Variants in DTD1 observed in about 807,000 individuals in gnomAD.
DTD1 encodes the protein D-tyrosyl-tRNA deacylase 1 homolog.
A neutral mutation model predicts 25.6 loss-of-function variants in DTD1; 13 were observed. The ratio of observed to expected loss-of-function variants is 0.51; its 90% confidence interval spans 0.33 to 0.81. The LOEUF (loss-of-function observed/expected upper bound fraction) is 0.81. DTD1 is among the 30% of genes least tolerant of loss of function. The pLI is 0.02. For missense variants in DTD1, 193 were observed against 266.4 expected (o/e 0.72, Z 1.92); for synonymous variants, 110 against 103.6 (o/e 1.06, Z -0.37).
At chr20:18,649,326 CTTTTTTTTTTTTTT>C (rs55766733) in intron 4 of DTD1, among the ~76,000 whole-genome samples, 33 of 57,652 alleles carry the variant, frequency 5.7e-4, no homozygotes, top group South Asian at 1.4e-3. Flanking sequence ...ATTCATCTTT[CTTTTTTTTTTTTTT>C]TTTTTTTTTT....
At chr20:18,680,238 G>A (rs1395384693) in intron 4 of DTD1, among the ~76,000 whole-genome samples, 1 of 152,042 alleles carries the variant, frequency 6.6e-6, no homozygotes, top group African/African-American at 2.4e-5. Flanking sequence ...AGGCTGTAGT[G>A]CAGTGGCACA....
intron 4 of DTD1, among the ~76,000 whole-genome samples, chr20:18,710,777 A>T (rs1323689901): frequency 6.6e-6 from 1 of 152,170 alleles, no homozygotes; most frequent in Non-Finnish European, 1.5e-5. Flanking sequence ...GGACGGTGAC[A>T]TGCCTCTGGC....
intron 3 of DTD1, among the ~76,000 whole-genome samples, chr20:18,606,789 A>T (rs1316896710): frequency 7.8e-4 from 20 of 25,492 alleles, no homozygotes; most frequent in Admixed American, 4.6e-4. Flanking sequence ...GGGGGGGGGG[A>T]GGGGGGAGGG....
chr20:18,633,454 C>T (rs2060796168), intron 4 of DTD1, among the ~76,000 whole-genome samples: 1 of 152,212 alleles, frequency 6.6e-6, no homozygotes, highest in Non-Finnish European at 1.5e-5. Flanking sequence ...ACACCATCTG[C>T]TATCATGGTC....
chr20:18,761,170 C>A (rs2061360974), intron 5 of DTD1, among the ~76,000 whole-genome samples: 1 of 152,116 alleles, frequency 6.6e-6, no homozygotes, highest in African/African-American at 2.4e-5. Context: ...ATTCCCTGGC[C>A]CCTTGCGCTT....
chr20:18,617,616 A>G (rs113081399), intron 3 of DTD1, among the ~76,000 whole-genome samples: 4 of 152,274 alleles, frequency 2.6e-5, no homozygotes, highest in East Asian at 1.9e-4. Context: ...TCAAAATGAT[A>G]TGAAAAGGTC....
chr20:18,600,520 T>G (rs2060629548), intron 3 of DTD1, among the ~76,000 whole-genome samples: 1 of 152,246 alleles, frequency 6.6e-6, no homozygotes, highest in Admixed American at 6.5e-5. Flanking sequence ...TTATAAGTAT[T>G]GAAGTCGTAT....
intron 5 of DTD1, 134 bp downstream of exon 5, chr20:18,744,405 C>A (rs2061291434): frequency 8.2e-6 from 8 of 969,902 alleles, no homozygotes; most frequent in Non-Finnish European, 1.2e-5. Flanking sequence ...CTGCTGCCTT[C>A]CAGGATGGAG....
At chr20:18,588,213 T>TGCGGCCCCTCCGCGAGCC (rs2060573879) in intron 1 of DTD1, 98 bp downstream of exon 1, 3 of 1,077,516 alleles carry the variant, frequency 2.8e-6, no homozygotes, top group Non-Finnish European at 3.5e-6. Flanking sequence ...TTGGGGCCGC[T>TGCGGCCCCTCCGCGAGCC]GCGGCCCCTC....
chr20:18,684,698 T>C (rs1342385068), intron 4 of DTD1, among the ~76,000 whole-genome samples: 3 of 152,062 alleles, frequency 2.0e-5, no homozygotes, highest in African/African-American at 4.8e-5. Context: ...GATTTCAAGG[T>C]GGTGATTTGT....
At chr20:18,745,784 G>A (rs1168022294) in intron 5 of DTD1, among the ~76,000 whole-genome samples, 1 of 152,178 alleles carries the variant, frequency 6.6e-6, no homozygotes, top group Non-Finnish European at 1.5e-5. Context: ...ATAGGGTCTG[G>A]TATGCAACCC....
chr20:18,694,863 A>C (rs1338280826), intron 4 of DTD1, among the ~76,000 whole-genome samples: 1 of 152,206 alleles, frequency 6.6e-6, no homozygotes, highest in Non-Finnish European at 1.5e-5. Flanking sequence ...ATGCCACAGC[A>C]GTCTTACACA....
chr20:18,663,616 G>A (rs529442543), intron 4 of DTD1, among the ~76,000 whole-genome samples: 15 of 152,216 alleles, frequency 9.9e-5, no homozygotes, highest in African/African-American at 3.4e-4. Flanking sequence ...TGTTACAGTT[G>A]CCTACAGTAT....
chr20:18,716,795 G>A (rs2061182647), intron 4 of DTD1, among the ~76,000 whole-genome samples: 1 of 152,154 alleles, frequency 6.6e-6, no homozygotes, highest in Non-Finnish European at 1.5e-5. Context: ...AAGCCTTACT[G>A]GTAACATCAA....
chr20:18,607,210 C>T (rs1259967667), intron 3 of DTD1, among the ~76,000 whole-genome samples: 1 of 152,130 alleles, frequency 6.6e-6, no homozygotes, highest in Non-Finnish European at 1.5e-5. Context: ...GTTGTCCAGG[C>T]TGGAGTGCAG....
intron 4 of DTD1, among the ~76,000 whole-genome samples, chr20:18,721,390 G>A (rs1277817005): frequency 6.6e-6 from 1 of 152,060 alleles, no homozygotes; most frequent in Non-Finnish European, 1.5e-5. Flanking sequence ...AACTATCTTT[G>A]CCTTTCTTGG....
At chr20:18,751,887 TC>T (rs1325376862) in intron 5 of DTD1, among the ~76,000 whole-genome samples, 1 of 151,794 alleles carries the variant, frequency 6.6e-6, no homozygotes, top group Non-Finnish European at 1.5e-5. Flanking sequence ...AATTTGCCTT[TC>T]TTTAAAAACA....
chr20:18,640,662 G>A (rs928314817), intron 4 of DTD1, among the ~76,000 whole-genome samples: 78 of 142,488 alleles, frequency 5.5e-4, no homozygotes, highest in African/African-American at 1.8e-3. Context: ...ACGGAGTCTC[G>A]CTCTGTCACC....
At chr20:18,633,503 C>T (rs1460365006) in intron 4 of DTD1, among the ~76,000 whole-genome samples, 2 of 152,136 alleles carry the variant, frequency 1.3e-5, no homozygotes, top group East Asian at 3.9e-4. Context: ...GAGTGTTGTT[C>T]ACTGCCCTGT....
Sources: allele counts gnomAD v4.1 joint callset (sites outside exome capture counted in the v4.1 genomes callset), GRCh38; gene constraint gnomAD v4.1.1; transcripts MANE v1.5; gene names NCBI Gene and HGNC (gene_info 2026-07-23, HGNC 2026-07-21).